ANTXRL: variants seen among roughly 807,000 people sequenced by gnomAD.
ANTXRL encodes ANTXR like, also known as anthrax toxin receptor-like.
In ANTXRL, 63 loss-of-function variants were observed where a neutral mutation model predicts 75.4. That is an observed-to-expected ratio of 0.84 (90% CI 0.68 to 1.03). ANTXRL has a LOEUF of 1.03. Among genes scored for constraint, ANTXRL ranks in the 50% least tolerant of loss-of-function variants. The pLI is 0.00. For missense variants in ANTXRL, 797 were observed against 789.4 expected, an observed-to-expected ratio of 1.01 and a Z score of -0.12; for synonymous variants, 335 against 291.3, an observed-to-expected ratio of 1.15 and a Z score of -1.53.
intron 5 of ANTXRL, among the ~76,000 whole-genome samples, chr10:46,296,541 C>G (rs1837388349): frequency 7.8e-6 from 1 of 128,030 alleles, no homozygotes; most frequent in Non-Finnish European, 1.9e-5. Flanking sequence ...AGGGAAGAGC[C>G]AAGGGGTTTG....
At chr10:46,302,670 G>C in intron 9 of ANTXRL, 52 bp from the exon 10 acceptor site, 3 of 1,356,092 alleles carry the variant, frequency 2.2e-6, no homozygotes, top group East Asian at 2.5e-5. Flanking sequence ...GGTCAGAGGG[G>C]AGGCAGCCCC....
rs115746446 is a variant in ANTXRL at position 46,314,001 on chromosome 10, G to A, written c.1410+685G>A. The stretch of plus-strand genomic sequence containing the variant: ...CCCTGGAGAGCCCTGCTTCTGGCTC[G>A]GCCTGGGACTCATCTGCCTGTGCCT... On this transcript the variant is annotated intron_variant, in intron 16 of 16. Coordinates refer to ENST00000620264, the MANE Select transcript of ANTXRL (RefSeq NM_001278688.3). Among the ~76,000 whole-genome samples the A allele has an allele frequency of 9.9e-3, 1,503 of 152,278 alleles. 33 individuals carry two copies. The highest frequency in any genetic ancestry group is 0.032 in the African/African-American group (1,345 of 41,530).
At position 46,287,440 on chromosome 10, in the gene ANTXRL, C is replaced by T; in HGVS notation, c.178C>T (p.Gln60Ter). ...AHHHHGPGWR[Q>*]HWRQGQAGHR... ...CCACCACCATGGCCCAGGATGGAGGCAGCACTGGCGCCAGGGGCAAGCAGG... is the reference window on the plus strand; with the variant it reads ...CCACCACCATGGCCCAGGATGGAGGTAGCACTGGCGCCAGGGGCAAGCAGG... The change falls in exon 1 of 17, where the codon CAG (glutamine) becomes TAG (stop). Residue 60 changes from glutamine to a stop codon, truncating the protein, a stop_gained. Transcript: ENST00000620264. LOFTEE classifies it high-confidence loss of function. The T allele has an allele frequency of 6.5e-7, 1 of 1,535,886 alleles. No individual in the cohort carries two copies. Among genetic ancestry groups the T allele is most frequent in the Non-Finnish European group, 8.7e-7 (1 of 1,146,750 alleles).
intron 1 of ANTXRL, among the ~76,000 whole-genome samples, chr10:46,289,694 A>G (rs1836903562): frequency 6.6e-6 from 1 of 152,050 alleles, no homozygotes; most frequent in Non-Finnish European, 1.5e-5. Flanking sequence ...ACACCACTGC[A>G]CTCCATCCTG....
At chr10:46,305,318 T>G (rs1262105782) in intron 10 of ANTXRL, among the ~76,000 whole-genome samples, 1 of 152,124 alleles carries the variant, frequency 6.6e-6, no homozygotes, top group Non-Finnish European at 1.5e-5. Context: ...ACAACTGAAA[T>G]AACAAACAGA....
At chr10:46,320,454 G>A (rs893094858) in intron 16 of ANTXRL, among the ~76,000 whole-genome samples, 6 of 152,220 alleles carry the variant, frequency 3.9e-5, no homozygotes, top group African/African-American at 4.8e-5. Flanking sequence ...ACCCATGGCC[G>A]GGTGCAGTGA....
At chr10:46,311,420 G>C (rs1838413882) in intron 14 of ANTXRL, 90 bp from the exon 15 acceptor site, 1 of 1,412,142 alleles carries the variant, frequency 7.1e-7, no homozygotes, top group Non-Finnish European at 9.2e-7. Context: ...GTTTCTTTCT[G>C]GTCCTTTCAT....
chr10:46,305,152 C>T (rs1837996667), intron 10 of ANTXRL, among the ~76,000 whole-genome samples: 1 of 152,194 alleles, frequency 6.6e-6, no homozygotes, highest in Admixed American at 6.5e-5. Flanking sequence ...GAACACGCCT[C>T]CCCTGCACCC....
intron 16 of ANTXRL, among the ~76,000 whole-genome samples, chr10:46,320,558 C>T (rs1188518229): frequency 1.3e-5 from 2 of 152,076 alleles, no homozygotes; most frequent in Non-Finnish European, 2.9e-5. Flanking sequence ...ATGGCAAAAC[C>T]CCATCTCTAC....
chr10:46,319,899 A>T (rs12248093), intron 16 of ANTXRL, among the ~76,000 whole-genome samples: 7,177 of 152,208 alleles, frequency 0.047, 579 homozygotes, highest in African/African-American at 0.16. Context: ...TGTAGTAACA[A>T]AATCAGAGGA....
chr10:46,294,826 TG>T (rs1837269245), intron 3 of ANTXRL, among the ~76,000 whole-genome samples: 1 of 126,774 alleles, frequency 7.9e-6, no homozygotes, highest in Non-Finnish European at 1.9e-5. Context: ...CCTCCCCTCC[TG>T]GGCTGGGCAG....
At position 46,302,709 on chromosome 10, in the gene ANTXRL, G is replaced by A. The variant is rs1454531247; in HGVS notation, c.797-13G>A. 5 of 1,527,260 alleles carry A rather than the reference G, an allele frequency of 3.3e-6. No individual in the cohort carries two copies. The African/African-American group carries it at 5.5e-5, about 17-fold the overall frequency. The allele number at this position is 1,527,260 out of a possible 1,614,324, so 94.6% of individuals were successfully genotyped here. ...CTCTTCCTCACTCAGCCTTTTGAATGTTGTCCTTGCAGAACCCTACCATGT... is the reference window on the plus strand; with the variant it reads ...CTCTTCCTCACTCAGCCTTTTGAATATTGTCCTTGCAGAACCCTACCATGT... On this transcript the variant is annotated splice_polypyrimidine_tract_variant and intron_variant, in intron 9 of 16. Transcript: ENST00000620264.
intron 16 of ANTXRL, 87 bp from the exon 17 acceptor site, chr10:46,329,512 C>T: frequency 6.8e-7 from 1 of 1,479,686 alleles, no homozygotes; most frequent in Non-Finnish European, 9.0e-7. Context: ...GGTCCTGGCC[C>T]CATCCCTTTG....
At chr10:46,286,859 A>T (rs1836786277), upstream of ANTXRL, 1 of 242,162 alleles carries the variant, frequency 4.1e-6, no homozygotes, top group Non-Finnish European at 8.1e-6. Context: ...GGACACTGTG[A>T]GGGCTGTTAT....
In ANTXRL at chr10:46,327,761, C is replaced by G. The variant is rs72790497; in HGVS notation, c.1411-1838C>G. 4.0e-3 allele frequency among the ~76,000 whole-genome samples: 603 copies of G among 152,218 alleles called. 3 individuals are homozygous for G. The highest frequency in any genetic ancestry group is 0.014 in the Middle Eastern group (4 of 294). ...TGTGGAACACCTGTGAGGAATGGAG[C>G]GTTTCCTTGGGACCATCAGGCTGAG... On this transcript the variant is annotated intron_variant, in intron 16 of 16. Coordinates refer to ENST00000620264, the MANE Select transcript of ANTXRL (RefSeq NM_001278688.3).
At position 46,297,305 on chromosome 10, in the gene ANTXRL, G is replaced by T. The variant is rs1837438810; in HGVS notation, c.562G>T (p.Ala188Ser). ...GACTGATGGAGAACTGGTGGCACAT[G>T]CATTTCAGGACACTCTCAGAGAAGT... ...AMTDGELVAHAFQDTLREAQK... is the reference protein window; with the variant it reads ...AMTDGELVAHSFQDTLREAQK... The change falls in exon 6 of 17, where the codon GCA (alanine) becomes TCA (serine). Residue 188 changes from alanine (A) to serine (S), a missense_variant. Coordinates refer to ENST00000620264, the MANE Select transcript of ANTXRL (RefSeq NM_001278688.3). The T allele has an allele frequency of 5.9e-6, 9 of 1,536,488 alleles. No homozygotes were observed. The highest frequency in any genetic ancestry group is 7.0e-6 in the Non-Finnish European group (8 of 1,146,842).
chr10:46,293,301 T>A (rs143093963), intron 2 of ANTXRL, among the ~76,000 whole-genome samples: 5 of 42,298 alleles, frequency 1.2e-4, no homozygotes, highest in Admixed American at 5.1e-4. Flanking sequence ...TGTGTGCCTG[T>A]GTGTGTGTGC....
intron 16 of ANTXRL, among the ~76,000 whole-genome samples, chr10:46,322,093 G>A (rs1156649183): frequency 6.6e-6 from 1 of 151,906 alleles, no homozygotes; most frequent in African/African-American, 2.4e-5. Context: ...TAATTTCTTG[G>A]CTATTGTCAT....
chr10:46,298,211 T>C, intron 9 of ANTXRL, 149 bp downstream of exon 9: 1 of 777,672 alleles, frequency 1.3e-6, no homozygotes, highest in South Asian at 1.7e-5. Context: ...GTGTATGTGT[T>C]TGGTGTGTGT....
Sources: allele counts gnomAD v4.1 joint callset (sites outside exome capture counted in the v4.1 genomes callset), GRCh38; gene constraint gnomAD v4.1.1; transcripts MANE v1.5; gene names NCBI Gene and HGNC (gene_info 2026-07-23, HGNC 2026-07-21).